Variants in CNGA1 observed in about 807,000 individuals in gnomAD.
CNGA1 encodes cyclic nucleotide-gated channel alpha-1.
Under a neutral mutation model 69.7 loss-of-function variants are expected in CNGA1, and 53 were observed. That is an observed-to-expected ratio of 0.76 (90% confidence interval 0.61 to 0.96). The LOEUF (loss-of-function observed/expected upper bound fraction) is 0.96, where lower values mean the gene tolerates loss of function less well. CNGA1 is among the 40% of genes least tolerant of loss of function. The pLI, the probability that CNGA1 is intolerant of heterozygous loss-of-function variation, is 0.00. For synonymous variants in CNGA1, 249 were observed against 283.5 expected (o/e 0.88, Z 1.22); for missense variants, 739 against 811.2 (o/e 0.91, Z 1.08).
chr4:47,984,446 C>A (rs984919946), intron 2 of CNGA1, among the ~76,000 whole-genome samples: 1 of 151,712 alleles, frequency 6.6e-6, no homozygotes, highest in Non-Finnish European at 1.5e-5. Flanking sequence ...GGTGAAACCC[C>A]GTCTTTACTA....
chr4:47,937,152 C>T lies in CNGA1; in HGVS notation c.1330G>A (p.Val444Ile), dbSNP rs575292558. The T allele has an allele frequency of 1.9e-6, 3 of 1,614,178 alleles. No individual in the cohort carries two copies. In the African/African-American group the frequency reaches 4.0e-5, roughly 22 times the overall value. Residue 444 changes from valine (V) to isoleucine (I), a missense_variant, in exon 11 of 11, where the codon GTT (valine) becomes ATT (isoleucine). By Grantham distance (29) the Val-to-Ile change is conservative. Transcript: ENST00000514170. ...TACTTTAAGACTTCTTTCTCATCAACTGTTTTTTTGTTGGTCCACAGGTAG... is the reference window on the plus strand; with the variant it reads ...TACTTTAAGACTTCTTTCTCATCAATTGTTTTTTTGTTGGTCCACAGGTAG... ...FDYLWTNKKT[V>I]DEKEVLKYLP...
rs772851117 is a variant in CNGA1 at position 48,016,515 on chromosome 4, T to G, written c.-255A>C. The G allele has an allele frequency of 1.4e-4, 57 of 400,706 alleles. No individual in the cohort carries two copies. Among genetic ancestry groups the G allele is most frequent in the Non-Finnish European group, 2.1e-4 (48 of 225,100 alleles). The allele number at this position is 400,706 out of a possible 1,614,324, so 24.8% of individuals were successfully genotyped here. A position where few individuals can be genotyped will look rare whatever the true frequency, so the allele number is the denominator to read the frequency against. On this transcript the variant is annotated 5_prime_UTR_variant, in exon 1 of 11. Coordinates refer to ENST00000514170, the MANE Select transcript of CNGA1 (RefSeq NM_001379270.1). The stretch of plus-strand genomic sequence containing the variant: ...GGCTCCACGCTCCGAGAGACGCTGT[T>G]GCTCTATGAGGCGTGTCTGTGTTTC...
chr4:47,942,051 C>T lies in CNGA1; in HGVS notation c.535G>A (p.Val179Ile). The part of the protein sequence containing the change: ...TLPVMYNWTM[V>I]IARACFDELQ... ...AAAAATTATAGACACCTGGCAATAA[C>T]CATTGTCCAGTTGTACATAACAGGT... The change falls in exon 9 of 11, where the codon GTT becomes ATT. Residue 179 changes from valine (V) to isoleucine (I), a missense_variant. Coordinates refer to ENST00000514170, the MANE Select transcript of CNGA1 (RefSeq NM_001379270.1). 1.9e-6 allele frequency: 3 copies of T among 1,591,094 alleles called. No homozygotes were observed. Among genetic ancestry groups the T allele is most frequent in the Non-Finnish European group, 1.7e-6 (2 of 1,159,790 alleles).
chr4:47,953,268 A>C (rs1377159457), intron 3 of CNGA1, among the ~76,000 whole-genome samples: 1 of 152,194 alleles, frequency 6.6e-6, no homozygotes, highest in African/African-American at 2.4e-5. Context: ...TTTGTAAAAA[A>C]ATTTTTAATT....
At chr4:47,950,764 A>G (rs1436845255) in intron 5 of CNGA1, among the ~76,000 whole-genome samples, 3 of 152,224 alleles carry the variant, frequency 2.0e-5, no homozygotes, top group Non-Finnish European at 4.4e-5. Flanking sequence ...CAAGTCCGGT[A>G]TCTGAAGTTT....
At chr4:47,994,667 T>C (rs531275608) in intron 2 of CNGA1, among the ~76,000 whole-genome samples, 2 of 152,304 alleles carry the variant, frequency 1.3e-5, no homozygotes, top group South Asian at 4.1e-4. Flanking sequence ...GCCATTTACA[T>C]TCAATGTTAG....
intron 3 of CNGA1, among the ~76,000 whole-genome samples, chr4:47,976,710 G>A (rs1741437940): frequency 6.6e-6 from 1 of 152,134 alleles, no homozygotes; most frequent in Admixed American, 6.6e-5. Context: ...CAGATAGCAT[G>A]TAATCCAATC....
intron 2 of CNGA1, among the ~76,000 whole-genome samples, chr4:47,981,930 T>TATATTATTTTATTATTATTAAA (rs1302059386): frequency 6.6e-6 from 1 of 152,186 alleles, no homozygotes; most frequent in East Asian, 1.9e-4. Flanking sequence ...TTTAAAATAT[T>TATATTATTTTATTATTATTAAA]AGTAGGATGC....
rs1209728010 is a variant in CNGA1, at chr4:47,936,603, C to G, written c.1879G>C (p.Glu627Gln). The G allele has an allele frequency of 1.2e-6, 2 of 1,614,168 alleles. No homozygotes were observed. ...GTTTGCAGGAGGTCTACTGACCCCT[C>G]CATTCGAGTAACCTTCTCTTCAAGA... Reference protein sequence around the residue: ...KDLEEKVTRMEGSVDLLQTRF... With the variant: ...KDLEEKVTRMQGSVDLLQTRF... The change falls in exon 11 of 11, where the codon GAG (glutamate) becomes CAG (glutamine). Residue 627 changes from glutamate (E) to glutamine (Q), a missense_variant. Transcript: ENST00000514170.
At position 47,949,883 on chromosome 4, in the gene CNGA1, C is replaced by G; in HGVS notation, c.237G>C (p.Leu79=). 6.2e-7 allele frequency: 1 copy of G among 1,614,002 alleles called. No homozygotes were observed. The highest frequency in any genetic ancestry group is 8.5e-7 in the Non-Finnish European group (1 of 1,179,912). Residue 79 remains leucine (L), a synonymous_variant, in exon 6 of 11, where the codon CTG becomes CTC. Coordinates refer to ENST00000514170, the MANE Select transcript of CNGA1 (RefSeq NM_001379270.1). ...KGGPSQREQY[L]PGAIALFNVN... ...CATTAAAAAGTGCAATGGCACCAGG[C>G]AGGTACTGCTCCCTGGGAAATGAAA... is the stretch of plus-strand genomic sequence containing the variant.
intron 2 of CNGA1, among the ~76,000 whole-genome samples, chr4:47,993,188 T>G (rs1446714257): frequency 6.6e-6 from 1 of 152,168 alleles, no homozygotes; most frequent in Non-Finnish European, 1.5e-5. Flanking sequence ...GGTATTAGGT[T>G]GATGCTGGCT....
In CNGA1 at chr4:47,942,061, G is replaced by T. The variant is rs750983363; in HGVS notation, c.525C>A (p.Asn175Lys). 6.2e-7 allele frequency: 1 copy of T among 1,605,996 alleles called. No homozygotes were observed. Among genetic ancestry groups the T allele is most frequent in the African/African-American group, 1.3e-5 (1 of 74,646 alleles). ...GACACCTGGCAATAACCATTGTCCA[G>T]TTGTACATAACAGGTAATGTGATGC... Reference protein sequence around the residue: ...LFCITLPVMYNWTMVIARACF... With the variant: ...LFCITLPVMYKWTMVIARACF... The change falls in exon 9 of 11, where the codon AAC (asparagine) becomes AAA (lysine). Residue 175 changes from asparagine to lysine, a missense_variant. Coordinates refer to ENST00000514170, the MANE Select transcript of CNGA1 (RefSeq NM_001379270.1).
At chr4:47,959,983 T>C (rs1382979715) in intron 3 of CNGA1, among the ~76,000 whole-genome samples, 1 of 152,084 alleles carries the variant, frequency 6.6e-6, no homozygotes, top group East Asian at 1.9e-4. Context: ...TAAGAAGATG[T>C]AAAGGCAAGC....
At chr4:47,972,793 ACCTCTGACTATGGT>A (rs1741113032) in intron 3 of CNGA1, among the ~76,000 whole-genome samples, 1 of 152,192 alleles carries the variant, frequency 6.6e-6, no homozygotes, top group Non-Finnish European at 1.5e-5. Flanking sequence ...GTAACTATGT[ACCTCTGACTATGGT>A]CCTCTGACTA....
intron 3 of CNGA1, among the ~76,000 whole-genome samples, chr4:47,979,725 T>C (rs1741601457): frequency 1.3e-5 from 2 of 152,178 alleles, no homozygotes; most frequent in Admixed American, 6.5e-5. Context: ...TCAACTTAAC[T>C]CTTGATTCTT....
intron 3 of CNGA1, among the ~76,000 whole-genome samples, chr4:47,961,114 C>T (rs1364847282): frequency 6.6e-6 from 1 of 152,174 alleles, no homozygotes; most frequent in Non-Finnish European, 1.5e-5. Flanking sequence ...CCTTGGACTT[C>T]TCAGACTCCA....
chr4:47,953,222 G>A (rs1202771750), intron 3 of CNGA1, among the ~76,000 whole-genome samples: 1 of 152,148 alleles, frequency 6.6e-6, no homozygotes, highest in South Asian at 2.1e-4. Context: ...TAGAATGCAG[G>A]CATGGCCTGT....
chr4:47,973,649 A>G (rs1741165848), intron 3 of CNGA1, among the ~76,000 whole-genome samples: 1 of 152,132 alleles, frequency 6.6e-6, no homozygotes, highest in Admixed American at 6.6e-5. Context: ...CATTAGTTCA[A>G]ACTTTTTGTG....
chr4:48,014,122 A>T (rs1478384794), intron 1 of CNGA1, among the ~76,000 whole-genome samples: 1 of 152,182 alleles, frequency 6.6e-6, no homozygotes, highest in Non-Finnish European at 1.5e-5. Context: ...CTAATTTTTG[A>T]GTCAGAAGAG....
Sources: gnomAD v4.1 joint callset for allele counts (sites outside exome capture counted in the v4.1 genomes callset) on GRCh38, gnomAD v4.1.1 for gene constraint, MANE v1.5 for transcripts, NCBI Gene and HGNC (gene_info 2026-07-23, HGNC 2026-07-21) for gene names.